Variants in TENM3 observed in about 807,000 individuals in gnomAD.
The protein encoded by TENM3 is teneurin-3.
A neutral mutation model predicts 255.1 loss-of-function variants in TENM3; 63 were observed. That is an observed-to-expected ratio of 0.25 (90% CI 0.20 to 0.30). The LOEUF is 0.30. TENM3 is among the 10% of genes least tolerant of loss of function. The probability of loss-of-function intolerance (pLI) is 1.00; values close to 1 mark genes in which losing one functional copy is unlikely to be tolerated. For synonymous variants in TENM3, 1,306 were observed against 1,322.3 expected (o/e 0.99, Z 0.27); for missense variants, 2,929 against 3,461.1 (o/e 0.85, Z 3.86).
chr4:181,835,243 T>C, the TENM3 span: 3 of 152,230 alleles, frequency 2.0e-5, no homozygotes, highest in Admixed American at 6.5e-5. Context: ...TATGGATTAA[T>C]TTTATTAATA....
At chr4:181,943,083 G>A in the TENM3 span, among the ~76,000 whole-genome samples, 2 of 152,124 alleles carry the variant, frequency 1.3e-5, no homozygotes, top group Non-Finnish European at 2.9e-5. Flanking sequence ...ACAAACTTGT[G>A]TTTTATGTCT....
intron 3 of TENM3, among the ~76,000 whole-genome samples, chr4:182,560,209 T>C (rs890369196): frequency 1.3e-4 from 19 of 151,864 alleles, no homozygotes; most frequent in African/African-American, 4.3e-4. Context: ...ACTGCAAAAG[T>C]AGTTTAATGC....
At chr4:181,939,506 G>A in the TENM3 span, among the ~76,000 whole-genome samples, 4 of 152,238 alleles carry the variant, frequency 2.6e-5, no homozygotes, top group Non-Finnish European at 4.4e-5. Flanking sequence ...AGTCAGGCGT[G>A]CCTGTGAACC....
At chr4:182,583,522 G>GC (rs539236658) in intron 3 of TENM3, among the ~76,000 whole-genome samples, 2 of 152,016 alleles carry the variant, frequency 1.3e-5, no homozygotes, top group Non-Finnish European at 2.9e-5. Flanking sequence ...TAGTGATAAA[G>GC]CCAGTACCTA....
chr4:181,905,554 G>A, the TENM3 span, among the ~76,000 whole-genome samples: 1 of 147,686 alleles, frequency 6.8e-6, no homozygotes, highest in African/African-American at 2.5e-5. Context: ...TTTTTTTCTG[G>A]CTTTTTTGAA....
At chr4:181,632,381 T>C in the TENM3 span, among the ~76,000 whole-genome samples, 2 of 152,100 alleles carry the variant, frequency 1.3e-5, no homozygotes, top group African/African-American at 2.4e-5. Flanking sequence ...CCAGATGAAA[T>C]GTGGGTGGGG....
At chr4:182,156,462 A>G (rs1490974976) in intron 1 of TENM3, among the ~76,000 whole-genome samples, 5 of 152,138 alleles carry the variant, frequency 3.3e-5, no homozygotes, top group Admixed American at 6.5e-5. Flanking sequence ...TCACCCGGGC[A>G]GTGAGCATAG....
the TENM3 span, among the ~76,000 whole-genome samples, chr4:182,012,403 T>A: frequency 6.6e-6 from 1 of 152,126 alleles, no homozygotes; most frequent in East Asian, 1.9e-4. Flanking sequence ...AATAGCAATA[T>A]AATTATGGAA....
At chr4:181,675,172 G>A in the TENM3 span, among the ~76,000 whole-genome samples, 2 of 152,090 alleles carry the variant, frequency 1.3e-5, no homozygotes, top group African/African-American at 4.8e-5. Context: ...AAATCAAAGA[G>A]CAGATAGAAT....
chr4:181,467,093 GTGTGTGTGTGTA>G, the TENM3 span, among the ~76,000 whole-genome samples: 2 of 67,304 alleles, frequency 3.0e-5, no homozygotes, highest in Admixed American at 2.7e-4. Context: ...GCGTGTGTGT[GTGTGTGTGTGTA>G]TATATATATA....
At chr4:181,721,975 T>G in the TENM3 span, among the ~76,000 whole-genome samples, 2 of 152,102 alleles carry the variant, frequency 1.3e-5, no homozygotes, top group East Asian at 1.9e-4. Context: ...AGTATTTGGT[T>G]GGGAGATCTG....
the TENM3 span, among the ~76,000 whole-genome samples, chr4:181,754,461 G>T: frequency 6.6e-6 from 1 of 152,034 alleles, no homozygotes; most frequent in Non-Finnish European, 1.5e-5. Flanking sequence ...GACATATTTG[G>T]GTGGAGAAAT....
chr4:182,552,025 CAAAA>C (rs11354411), intron 3 of TENM3, among the ~76,000 whole-genome samples: 8 of 108,698 alleles, frequency 7.4e-5, no homozygotes, highest in Admixed American at 9.8e-5. Context: ...GACCCTGTCT[CAAAA>C]AAAAAAAAAA....
chr4:182,184,150 C>G (rs1261009009), intron 1 of TENM3, among the ~76,000 whole-genome samples: 1 of 152,082 alleles, frequency 6.6e-6, no homozygotes, highest in African/African-American at 2.4e-5. Context: ...GTTAGACAAG[C>G]AGAGATTTTT....
the TENM3 span, among the ~76,000 whole-genome samples, chr4:181,594,793 A>G: frequency 1.3e-5 from 2 of 152,188 alleles, no homozygotes; most frequent in East Asian, 1.9e-4. Flanking sequence ...AACATGGCCA[A>G]ATAGAATTCT....
At chr4:182,645,625 T>C (rs1752676846) in intron 5 of TENM3, among the ~76,000 whole-genome samples, 1 of 152,208 alleles carries the variant, frequency 6.6e-6, no homozygotes, top group South Asian at 2.1e-4. Context: ...CTGTTTCATC[T>C]GAAGGCTCAG....
chr4:181,596,901 G>C, the TENM3 span, among the ~76,000 whole-genome samples: 1 of 152,090 alleles, frequency 6.6e-6, no homozygotes, highest in Admixed American at 6.6e-5. Context: ...CAGACACTTA[G>C]AGGGGAGCAA....
chr4:182,528,961 C>T (rs748705752), intron 3 of TENM3, among the ~76,000 whole-genome samples: 5 of 152,208 alleles, frequency 3.3e-5, no homozygotes, highest in African/African-American at 7.2e-5. Flanking sequence ...GTTCAGAGTT[C>T]GTATTTACTC....
chr4:182,609,586 A>T (rs1474159745), intron 4 of TENM3, among the ~76,000 whole-genome samples: 1 of 152,156 alleles, frequency 6.6e-6, no homozygotes, highest in Non-Finnish European at 1.5e-5. Flanking sequence ...CTCACTTCAT[A>T]TTCTGAACCA....
Sources: gnomAD v4.1 joint callset for allele counts (sites outside exome capture counted in the v4.1 genomes callset) on GRCh38, gnomAD v4.1.1 for gene constraint, MANE v1.5 for transcripts, NCBI Gene and HGNC (gene_info 2026-07-23, HGNC 2026-07-21) for gene names.